TMEM8B: variants seen among roughly 807,000 people sequenced by gnomAD.
TMEM8B encodes nasopharyngeal carcinoma expressed 6.
TMEM8B carries 29 observed loss-of-function variants against 49.3 expected under a neutral mutation model. That is an observed-to-expected ratio of 0.59 (90% confidence interval 0.44 to 0.80). The LOEUF (loss-of-function observed/expected upper bound fraction) is 0.80, where lower values mean the gene tolerates loss of function less well. Ranked by LOEUF, TMEM8B falls within the 30% of genes least tolerant of loss-of-function variation. The pLI is 0.00. For missense variants in TMEM8B, 575 were observed against 658.5 expected (o/e 0.87, Z 1.39); for synonymous variants, 264 against 272.8 (o/e 0.97, Z 0.32).
chr9:35,845,424 C>T lies in TMEM8B; in HGVS notation c.1636-551C>T, dbSNP rs915966085. ...TTGCCTTTATTCTTGTAGACAACAC[C>T]TTACATTTACTCTTGCAGATATCTG... On this transcript the variant is annotated intron_variant, in intron 6 of 12. Transcript: ENST00000643932. 3.0e-5 allele frequency: 30 copies of T among 985,264 alleles called. No individual in the cohort carries two copies. In the Middle Eastern group the frequency reaches 1.5e-3, roughly 51 times the overall value. The allele number at this position is 985,264 out of a possible 1,614,324, so 61.0% of individuals were successfully genotyped here. A position where few individuals can be genotyped will look rare whatever the true frequency, so the allele number is the denominator to read the frequency against.
In TMEM8B at chr9:35,852,845, C is replaced by G; in HGVS notation, c.2194C>G (p.Gln732Glu). The G allele has an allele frequency of 6.2e-7, 1 of 1,614,148 alleles. No homozygotes were observed. The highest frequency in any genetic ancestry group is 2.2e-5 in the East Asian group (1 of 44,884). Residue 732 changes from glutamine to glutamate, a missense_variant, in exon 11 of 13, where the codon CAG becomes GAG. Physicochemically the swap from Gln to Glu is conservative, Grantham distance 29 (BLOSUM62 2). Coordinates refer to ENST00000643932, the MANE Select transcript of TMEM8B (RefSeq NM_001042590.4). ...CCTTCAGTTCTATCATGCCTGTGACCAGCCAGGCATCGTGGTTTTCTGCAT... is the reference window on the plus strand; with the variant it reads ...CCTTCAGTTCTATCATGCCTGTGACGAGCCAGGCATCGTGGTTTTCTGCAT... ...FFSTFYHACDQPGIVVFCIMD... is the reference protein window; with the variant it reads ...FFSTFYHACDEPGIVVFCIMD...
chr9:35,853,761 A>G lies in TMEM8B; in HGVS notation c.2696A>G (p.Gln899Arg). 6.2e-7 allele frequency: 1 copy of G among 1,606,962 alleles called. No homozygotes were observed. Among genetic ancestry groups the G allele is most frequent in the Non-Finnish European group, 8.5e-7 (1 of 1,175,548 alleles). The change falls in exon 13 of 13, where the codon CAG becomes CGG. Residue 899 changes from glutamine (Q) to arginine (R), a missense_variant. Physicochemically the swap from Gln to Arg is conservative, Grantham distance 43. Transcript: ENST00000643932. The surrounding 1 kb of genome is among the most constrained non-coding windows in gnomAD (Gnocchi z 4.2). ...GCCCGGGCCCGGGGCTGTGGTTACCAGCTATGCATCAACGAGCAGGAGGAG... is the reference window on the plus strand; with the variant it reads ...GCCCGGGCCCGGGGCTGTGGTTACCGGCTATGCATCAACGAGCAGGAGGAG... ...SGARARGCGYQLCINEQEELG... is the reference protein window; with the variant it reads ...SGARARGCGYRLCINEQEELG...
chr9:35,854,530 G>A lies in TMEM8B; in HGVS notation c.*690G>A, dbSNP rs76773476. The A allele has an allele frequency of 0.046, 6,989 of 152,222 alleles. 203 individuals carry two copies. The highest frequency in any genetic ancestry group is 0.077 in the East Asian group (399 of 5,166). 9.4% of individuals were successfully genotyped at this position (152,222 alleles called of 1,614,324 possible). On this transcript the variant is annotated 3_prime_UTR_variant, in exon 13 of 13. Transcript: ENST00000643932. Reference sequence around the variant, plus strand: ...AGCAGGGCTGATGGGAGCTACTGCCGGAGGCTTTTGTCACACCCTGTACAC... The same window carrying A: ...AGCAGGGCTGATGGGAGCTACTGCCAGAGGCTTTTGTCACACCCTGTACAC...
chr9:35,836,108 A>T (rs1830425289), intron 3 of TMEM8B, among the ~76,000 whole-genome samples: 1 of 152,198 alleles, frequency 6.6e-6, no homozygotes, highest in African/African-American at 2.4e-5. Flanking sequence ...AAATGGGGTG[A>T]ATAGTGCCTT....
rs1440856519 is a variant in TMEM8B at position 35,857,835 on chromosome 9, G to A, written c.*3995G>A. 6.6e-6 allele frequency: 1 copy of A among 152,266 alleles called. No individual in the cohort carries two copies. The highest frequency in any genetic ancestry group is 2.4e-5 in the African/African-American group (1 of 41,456). The allele number at this position is 152,266 out of a possible 1,614,324, so 9.4% of individuals were successfully genotyped here. ...GCCAGCAGTTAGGAAAGAAGGCTGA[G>A]TGTGAAGTGAGGGGCAGTAAGGGCA... On this transcript the variant is annotated 3_prime_UTR_variant, in exon 13 of 13. Transcript: ENST00000643932.
chr9:35,832,532 C>T (rs145782624), intron 1 of TMEM8B, among the ~76,000 whole-genome samples: 16 of 152,196 alleles, frequency 1.1e-4, no homozygotes, highest in African/African-American at 3.9e-4. Context: ...TTCCCCAGTT[C>T]CCCAGGCCAT....
Position 35,861,614 on chromosome 9 carries a change from C to T in TMEM8B, c.*7774C>T, listed in dbSNP as rs898409115. On this transcript the variant is annotated 3_prime_UTR_variant, in exon 13 of 13. Transcript: ENST00000643932. ...ACGACTCCAAAACCCAGCTTTGCCT[C>T]CTGGCTGTAGTTCAGACTAGCTGTG... The T allele has an allele frequency of 6.6e-6, 1 of 152,564 alleles. No individual in the cohort carries two copies. Among genetic ancestry groups the T allele is most frequent in the African/African-American group, 2.4e-5 (1 of 41,482 alleles). The allele number at this position is 152,564 out of a possible 1,614,324, so 9.5% of individuals were successfully genotyped here. A position where few individuals can be genotyped will look rare whatever the true frequency, so the allele number is the denominator to read the frequency against.
chr9:35,842,830 C>A lies in TMEM8B; in HGVS notation c.1635+113C>A. 1 of 1,144,396 alleles carries A rather than the reference C, an allele frequency of 8.7e-7. No individual in the cohort carries two copies. Among genetic ancestry groups the A allele is most frequent in the Non-Finnish European group, 1.2e-6 (1 of 830,882 alleles). 70.9% of individuals were successfully genotyped at this position (1,144,396 alleles called of 1,614,324 possible). On this transcript the variant is annotated intron_variant, in intron 6 of 12. Transcript: ENST00000643932. The surrounding 1 kb of genome is among the most constrained non-coding windows in gnomAD (Gnocchi z 5.6). ...GGAAGCCTGTCCAGGTTGCTCCCAC[C>A]CATCCTGACAATTAGGGACCATGGC...
Position 35,829,405 on chromosome 9 carries a change from G to A in TMEM8B, c.-43G>A. 2.9e-6 allele frequency: 1 copy of A among 343,876 alleles called. No homozygotes were observed. The highest frequency in any genetic ancestry group is 5.2e-6 in the Non-Finnish European group (1 of 191,730). The allele number at this position is 343,876 out of a possible 1,614,324, so 21.3% of individuals were successfully genotyped here. ...GCGGAGCCGCGGGCCAGCTCTGCGA[G>A]CGCCCCGCGCTGGCCTGTCCGGCCC... is the stretch of plus-strand genomic sequence containing the variant. On this transcript the variant is annotated 5_prime_UTR_variant, in exon 1 of 13. Coordinates refer to ENST00000643932, the MANE Select transcript of TMEM8B (RefSeq NM_001042590.4).
rs758850281 is a variant in TMEM8B at position 35,853,351 on chromosome 9, C to T, written c.2439+94C>T. On this transcript the variant is annotated intron_variant, in intron 12 of 12. Coordinates refer to ENST00000643932, the MANE Select transcript of TMEM8B (RefSeq NM_001042590.4). The surrounding 1 kb of genome is among the most constrained non-coding windows in gnomAD (Gnocchi z 4.2). ...TCCCCAGTTTAAGGTGGGCTTGGCT[C>T]TGTCGTCATCACCTGCTGCTGGCAG... 1.6e-4 allele frequency: 233 copies of T among 1,450,308 alleles called. No homozygotes were observed. The highest frequency in any genetic ancestry group is 2.1e-4 in the Non-Finnish European group (217 of 1,051,578). 89.8% of individuals were successfully genotyped at this position (1,450,308 alleles called of 1,614,324 possible). A position where few individuals can be genotyped will look rare whatever the true frequency, so the allele number is the denominator to read the frequency against.
intron 1 of TMEM8B, among the ~76,000 whole-genome samples, chr9:35,834,049 C>CACAT (rs1830189718): frequency 6.6e-6 from 1 of 151,204 alleles, no homozygotes; most frequent in Non-Finnish European, 1.5e-5. Flanking sequence ...CACACACACA[C>CACAT]ACACACACAC....
At chr9:35,840,968 G>A (rs1830927206) in intron 3 of TMEM8B, among the ~76,000 whole-genome samples, 166 bp from the exon 4 acceptor site, 1 of 152,152 alleles carries the variant, frequency 6.6e-6, no homozygotes, top group Non-Finnish European at 1.5e-5. Flanking sequence ...AGAAATGACT[G>A]CTCAGGCAGG....
intron 6 of TMEM8B, chr9:35,845,506 A>T: frequency 1.0e-6 from 1 of 985,366 alleles, no homozygotes; most frequent in Non-Finnish European, 1.2e-6. Context: ...TTCTGTTACC[A>T]CTGTTCAGTA....
At position 35,858,091 on chromosome 9, in the gene TMEM8B, A is replaced by T. The variant is rs116703723; in HGVS notation, c.*4251A>T. The T allele has an allele frequency of 0.019, 2,359 of 126,624 alleles. 61 individuals carry two copies. The highest frequency in any genetic ancestry group is 0.062 in the African/African-American group (2,206 of 35,342). The allele number at this position is 126,624 out of a possible 1,614,324, so 7.8% of individuals were successfully genotyped here. ...CCCTCACTGTGTCTGGTGCTGTTCC[A>T]TTTTTTTTCTTTCTTTCTTTTTTTT... is the stretch of plus-strand genomic sequence containing the variant. On this transcript the variant is annotated 3_prime_UTR_variant, in exon 13 of 13. Transcript: ENST00000643932.
intron 6 of TMEM8B, among the ~76,000 whole-genome samples, chr9:35,843,894 C>G (rs1047432821): frequency 6.6e-6 from 1 of 152,066 alleles, no homozygotes; most frequent in African/African-American, 2.4e-5. Flanking sequence ...TCCAGAGTAG[C>G]TGGGATTACA....
rs1214000770 is a variant in TMEM8B, at chr9:35,863,780, T to C, written c.*9940T>C. The C allele has an allele frequency of 6.6e-6, 1 of 152,254 alleles. No homozygotes were observed. The highest frequency in any genetic ancestry group is 2.4e-5 in the African/African-American group (1 of 41,424). The allele number at this position is 152,254 out of a possible 1,614,324, so 9.4% of individuals were successfully genotyped here. A position where few individuals can be genotyped will look rare whatever the true frequency, so the allele number is the denominator to read the frequency against. On this transcript the variant is annotated 3_prime_UTR_variant, in exon 13 of 13. Coordinates refer to ENST00000643932, the MANE Select transcript of TMEM8B (RefSeq NM_001042590.4). ...TGAGCCACAGGAGACATTTGTCATA[T>C]CTGCACACAGCCCACTGGCCCTGCG...
At chr9:35,844,375 T>C (rs1409058073) in intron 6 of TMEM8B, among the ~76,000 whole-genome samples, 2 of 152,240 alleles carry the variant, frequency 1.3e-5, no homozygotes, top group Non-Finnish European at 2.9e-5. Context: ...CATTAGAGAA[T>C]ATCTTCAGCT....
chr9:35,848,679 T>TC (rs1415210874), intron 10 of TMEM8B, among the ~76,000 whole-genome samples: 3 of 149,330 alleles, frequency 2.0e-5, no homozygotes, highest in Non-Finnish European at 4.5e-5. Flanking sequence ...TTTTTTCTTT[T>TC]TTTTTTTTTT....
At position 35,856,363 on chromosome 9, in the gene TMEM8B, G is replaced by C. The variant is rs898796170; in HGVS notation, c.*2523G>C. The C allele has an allele frequency of 6.6e-6, 1 of 152,290 alleles. No individual in the cohort carries two copies. The highest frequency in any genetic ancestry group is 1.5e-5 in the Non-Finnish European group (1 of 68,086). 9.4% of individuals were successfully genotyped at this position (152,290 alleles called of 1,614,324 possible). On this transcript the variant is annotated 3_prime_UTR_variant, in exon 13 of 13. Coordinates refer to ENST00000643932, the MANE Select transcript of TMEM8B (RefSeq NM_001042590.4). Reference sequence around the variant, plus strand: ...GGCAGGAAAGACTGATATTTACTCCGGGCACTGAATAGTTCAGTGTGCCTG... The same window carrying C: ...GGCAGGAAAGACTGATATTTACTCCCGGCACTGAATAGTTCAGTGTGCCTG...
Sources: gnomAD v4.1 joint callset for allele counts (sites outside exome capture counted in the v4.1 genomes callset) on GRCh38, gnomAD v4.1.1 for gene constraint, Gnocchi (gnomAD v3.1) non-coding constraint, MANE v1.5 for transcripts, NCBI Gene and HGNC (gene_info 2026-07-23, HGNC 2026-07-21) for gene names.